The following DRC2 variants were observed in gnomAD, a reference collection of about 807,000 sequenced individuals.
DRC2 encodes coiled-coil domain containing 65.
chr12:48,905,046 A>T, the DRC2 span: 519 of 1,614,112 alleles, frequency 3.2e-4, 4 homozygotes, highest in African/African-American at 6.4e-3. Flanking sequence ...AGAGAACTTC[A>T]TAAGGACATT....
the DRC2 span, chr12:48,917,151 T>G: frequency 6.2e-7 from 1 of 1,606,554 alleles, no homozygotes; most frequent in Non-Finnish European, 8.5e-7. Flanking sequence ...GAGGAGGTGA[T>G]AGAAAAATGC....
the DRC2 span, among the ~76,000 whole-genome samples, chr12:48,909,139 G>A: frequency 1.3e-5 from 2 of 151,060 alleles, no homozygotes; most frequent in African/African-American, 2.4e-5. Context: ...CACCTCCTGG[G>A]TTCAAGCGAT....
chr12:48,904,329 C>CTGCCCCCA, the DRC2 span: 6 of 1,612,622 alleles, frequency 3.7e-6, no homozygotes, highest in Non-Finnish European at 5.1e-6. Context: ...ATCCAATCCC[C>CTGCCCCCA]TGCCCCCATG....
At chr12:48,904,977 C>G in the DRC2 span, 1 of 1,612,726 alleles carries the variant, frequency 6.2e-7, no homozygotes, top group Non-Finnish European at 8.5e-7. Context: ...CACAACAGTG[C>G]TCTGAACCTT....
At chr12:48,909,697 G>A in the DRC2 span, among the ~76,000 whole-genome samples, 2 of 151,482 alleles carry the variant, frequency 1.3e-5, no homozygotes, top group Non-Finnish European at 2.9e-5. Flanking sequence ...AGCTGGTCTC[G>A]AACTCCTGAC....
the DRC2 span, chr12:48,904,415 G>A: frequency 1.9e-6 from 3 of 1,614,050 alleles, no homozygotes; most frequent in Non-Finnish European, 2.5e-6. Context: ...GAAGTTGCTG[G>A]CAGAGGAGGA....
At chr12:48,910,292 T>C in the DRC2 span, among the ~76,000 whole-genome samples, 2 of 152,242 alleles carry the variant, frequency 1.3e-5, no homozygotes, top group Non-Finnish European at 2.9e-5. Context: ...TTGGGAGCAG[T>C]GGGCATATCT....
chr12:48,919,106 TCTCA>T, the DRC2 span, among the ~76,000 whole-genome samples: 13 of 152,156 alleles, frequency 8.5e-5, no homozygotes, highest in Non-Finnish European at 5.9e-5. Flanking sequence ...ACAGATGGGG[TCTCA>T]CTGTGTTGCC....
the DRC2 span, chr12:48,917,160 G>GCTCGAGGAGGTGATAGAAAAATT: frequency 6.2e-7 from 1 of 1,603,552 alleles, no homozygotes; most frequent in African/African-American, 1.3e-5. Flanking sequence ...ATAGAAAAAT[G>GCTCGAGGAGGTGATAGAAAAATT]CTCAAGGAGG....
the DRC2 span, chr12:48,904,481 T>A: frequency 6.2e-7 from 1 of 1,613,430 alleles, no homozygotes; most frequent in Non-Finnish European, 8.5e-7. Flanking sequence ...GATGGCCTTT[T>A]GCATTATGTC....
the DRC2 span, among the ~76,000 whole-genome samples, chr12:48,916,384 G>A: frequency 6.5e-3 from 983 of 152,168 alleles, 8 homozygotes; most frequent in African/African-American, 0.022. Context: ...GATCACTCGC[G>A]GTTAGGAGCT....
chr12:48,921,236 G>A, the DRC2 span: 1 of 1,614,226 alleles, frequency 6.2e-7, no homozygotes, highest in African/African-American at 1.3e-5. Flanking sequence ...TGGAGCAACT[G>A]AGCCTCCAAC....
the DRC2 span, among the ~76,000 whole-genome samples, chr12:48,915,903 G>A: frequency 4.1e-5 from 6 of 147,220 alleles, no homozygotes; most frequent in Non-Finnish European, 7.5e-5. Flanking sequence ...GGGCAGAGAC[G>A]CTCCTCACCT....
chr12:48,908,619 ATTTT>A, the DRC2 span, among the ~76,000 whole-genome samples: 3 of 140,700 alleles, frequency 2.1e-5, no homozygotes, highest in Admixed American at 2.2e-4. Flanking sequence ...TTATTTATTT[ATTTT>A]ATTTTTAGAC....
chr12:48,904,463 T>C, the DRC2 span: 1 of 1,613,978 alleles, frequency 6.2e-7, no homozygotes. Context: ...CAGCCAGTTC[T>C]TGAAGGTGAT....
At chr12:48,918,170 C>T in the DRC2 span, 3 of 1,075,242 alleles carry the variant, frequency 2.8e-6, no homozygotes, top group Non-Finnish European at 2.8e-6. Context: ...GACCTCTGTA[C>T]TAAACTATGC....
the DRC2 span, among the ~76,000 whole-genome samples, chr12:48,909,105 G>A: frequency 1.1e-4 from 16 of 140,468 alleles, no homozygotes; most frequent in African/African-American, 2.4e-4. Flanking sequence ...GTGAAATGGC[G>A]CAATCTCGGC....
At chr12:48,904,188 G>C in the DRC2 span, 4 of 1,025,710 alleles carry the variant, frequency 3.9e-6, no homozygotes, top group South Asian at 4.7e-5. Flanking sequence ...GATCTCTCCT[G>C]TTCGAGGGCT....
At chr12:48,909,795 T>C in the DRC2 span, among the ~76,000 whole-genome samples, 3 of 107,392 alleles carry the variant, frequency 2.8e-5, no homozygotes, top group Non-Finnish European at 4.4e-5. Context: ...TTTTTTTTTT[T>C]CCCGAGACGG....
Sources: allele counts gnomAD v4.1 joint callset (sites outside exome capture counted in the v4.1 genomes callset), GRCh38; gene constraint gnomAD v4.1.1; transcripts MANE v1.5; gene names NCBI Gene and HGNC (gene_info 2026-07-23, HGNC 2026-07-21).